TRAPPC10: variants seen among roughly 807,000 people sequenced by gnomAD.
TRAPPC10 encodes the protein TRAPP 130 kDa subunit.
A neutral mutation model predicts 125.5 loss-of-function variants in TRAPPC10; 23 were observed. That is an observed-to-expected ratio of 0.18 (90% confidence interval 0.13 to 0.26). TRAPPC10 has a LOEUF of 0.26. Among genes scored for constraint, TRAPPC10 ranks in the 10% least tolerant of loss-of-function variants. TRAPPC10 has a pLI of 1.00. For synonymous variants in TRAPPC10, 509 were observed against 518.0 expected (o/e 0.98, Z 0.24); for missense variants, 1,123 against 1,308.4 (o/e 0.86, Z 2.19).
At chr21:44,034,410 C>T (rs930714457) in intron 2 of TRAPPC10, among the ~76,000 whole-genome samples, 14 of 143,014 alleles carry the variant, frequency 9.8e-5, no homozygotes, top group African/African-American at 3.4e-4. Flanking sequence ...ACCCTCGGAT[C>T]TGAGGTGCTG....
chr21:44,090,438 G>A (rs1434440708), intron 18 of TRAPPC10, among the ~76,000 whole-genome samples: 1 of 152,200 alleles, frequency 6.6e-6, no homozygotes, highest in Non-Finnish European at 1.5e-5. Flanking sequence ...AGGGTGTTGA[G>A]CAGCACCCCA....
chr21:44,091,852 T>C, intron 18 of TRAPPC10, 71 bp from the exon 19 acceptor site: 1 of 1,478,158 alleles, frequency 6.8e-7, no homozygotes. Context: ...GAGGGTCTCC[T>C]TAACAAAGCT....
intron 10 of TRAPPC10, 103 bp from the exon 11 acceptor site, chr21:44,077,590 A>G: frequency 4.2e-6 from 4 of 946,034 alleles, no homozygotes; most frequent in African/African-American, 3.3e-5. Flanking sequence ...GTCTCAAAAC[A>G]AAAACCCAAC....
intron 3 of TRAPPC10, among the ~76,000 whole-genome samples, chr21:44,042,432 T>A (rs1055352717): frequency 1.2e-4 from 19 of 152,188 alleles, no homozygotes; most frequent in Non-Finnish European, 7.3e-5. Context: ...AAAAAAAAGA[T>A]TAAAAAAATT....
intron 2 of TRAPPC10, among the ~76,000 whole-genome samples, chr21:44,034,488 C>G (rs1320240341): frequency 6.6e-6 from 1 of 152,148 alleles, no homozygotes; most frequent in Non-Finnish European, 1.5e-5. Context: ...CACAGCTCCG[C>G]TCCGGGAACT....
chr21:44,066,442 G>A (rs754240575), intron 7 of TRAPPC10, among the ~76,000 whole-genome samples: 7 of 152,222 alleles, frequency 4.6e-5, no homozygotes, highest in Non-Finnish European at 7.3e-5. Flanking sequence ...GCTGGCTGCT[G>A]GGGTGAGCGG....
chr21:44,039,699 T>C (rs1434957932), intron 3 of TRAPPC10, among the ~76,000 whole-genome samples: 1 of 152,172 alleles, frequency 6.6e-6, no homozygotes, highest in African/African-American at 2.4e-5. Flanking sequence ...ACCCCGTCTC[T>C]ACTAAAAATA....
intron 3 of TRAPPC10, among the ~76,000 whole-genome samples, chr21:44,050,024 C>T (rs1209973742): frequency 1.3e-5 from 2 of 152,058 alleles, no homozygotes; most frequent in African/African-American, 4.8e-5. Flanking sequence ...GGACTACAGG[C>T]GCCCACCACC....
At chr21:44,040,140 C>A (rs2034306902) in intron 3 of TRAPPC10, among the ~76,000 whole-genome samples, 1 of 152,164 alleles carries the variant, frequency 6.6e-6, no homozygotes, top group Admixed American at 6.5e-5. Context: ...CAGCTTCATC[C>A]TTTTCAGGGT....
intron 15 of TRAPPC10, among the ~76,000 whole-genome samples, chr21:44,086,228 C>T (rs1350256178): frequency 6.6e-6 from 1 of 152,240 alleles, no homozygotes; most frequent in Non-Finnish European, 1.5e-5. Context: ...CACTCTCCCC[C>T]CGGTCCTGGT....
chr21:44,032,379 C>CTTTTTTTTTTT (rs1200011844), intron 2 of TRAPPC10, among the ~76,000 whole-genome samples: 4 of 108,470 alleles, frequency 3.7e-5, no homozygotes, highest in Non-Finnish European at 3.6e-5. Flanking sequence ...CCATGGTTTT[C>CTTTTTTTTTTT]TTTTTTTTTT....
At chr21:44,081,997 G>C (rs1336661492) in intron 13 of TRAPPC10, among the ~76,000 whole-genome samples, 1 of 152,218 alleles carries the variant, frequency 6.6e-6, no homozygotes, top group Non-Finnish European at 1.5e-5. Context: ...GACCACATCT[G>C]CTGCTGCTTT....
intron 18 of TRAPPC10, among the ~76,000 whole-genome samples, chr21:44,091,564 C>T (rs1374854285): frequency 1.3e-5 from 2 of 152,080 alleles, no homozygotes; most frequent in Admixed American, 6.6e-5. Flanking sequence ...CTCAGCCTCC[C>T]GAGCAGCTGG....
intron 7 of TRAPPC10, among the ~76,000 whole-genome samples, chr21:44,064,309 G>GT (rs2036275696): frequency 1.4e-5 from 1 of 71,848 alleles, no homozygotes; most frequent in Non-Finnish European, 2.2e-5. Flanking sequence ...AAATATGTGT[G>GT]TGTGTGTGTG....
intron 7 of TRAPPC10, among the ~76,000 whole-genome samples, chr21:44,070,752 A>G (rs1314351445): frequency 6.6e-6 from 1 of 152,208 alleles, no homozygotes; most frequent in Non-Finnish European, 1.5e-5. Flanking sequence ...AATGGGTAAA[A>G]TAAGCCAGGG....
intron 7 of TRAPPC10, among the ~76,000 whole-genome samples, chr21:44,071,232 T>C (rs1601746471): frequency 6.6e-6 from 1 of 152,182 alleles, no homozygotes; most frequent in South Asian, 2.1e-4. Context: ...GGGTGGATCT[T>C]GACCGGGAAA....
chr21:44,020,040 T>C (rs747308918), intron 1 of TRAPPC10, among the ~76,000 whole-genome samples: 4 of 151,808 alleles, frequency 2.6e-5, no homozygotes, highest in Non-Finnish European at 5.9e-5. Flanking sequence ...CTGAATATTA[T>C]TTTAGGCCCC....
intron 1 of TRAPPC10, among the ~76,000 whole-genome samples, chr21:44,020,907 A>G (rs544526292): frequency 6.3e-4 from 96 of 152,290 alleles, no homozygotes; most frequent in African/African-American, 2.1e-3. Context: ...GCTCGGACCA[A>G]TATTAGCATG....
intron 1 of TRAPPC10, among the ~76,000 whole-genome samples, chr21:44,025,937 T>C (rs1446364157): frequency 1.3e-5 from 2 of 151,346 alleles, no homozygotes; most frequent in Non-Finnish European, 2.9e-5. Context: ...GCTGAATGGG[T>C]ATAACGTTAA....
Sources: allele counts gnomAD v4.1 joint callset (sites outside exome capture counted in the v4.1 genomes callset), GRCh38; gene constraint gnomAD v4.1.1; transcripts MANE v1.5; gene names NCBI Gene and HGNC (gene_info 2026-07-23, HGNC 2026-07-21).